MICU1: variants seen among roughly 807,000 people sequenced by gnomAD.
MICU1 encodes the protein calcium uptake protein 1, mitochondrial.
MICU1 carries 45 observed loss-of-function variants against 56.8 expected under a neutral mutation model. The observed-to-expected ratio is 0.79, with a 90% CI of 0.62 to 1.02. MICU1 has a LOEUF of 1.02. Ranked by LOEUF, MICU1 falls within the 50% of genes least tolerant of loss-of-function variation. The pLI is 0.00. For synonymous variants in MICU1, 186 were observed against 195.1 expected, an observed-to-expected ratio of 0.95 and a Z score of 0.39; for missense variants, 504 against 587.1, an observed-to-expected ratio of 0.86 and a Z score of 1.46.
At chr10:72,412,381 T>C (rs544809016) in intron 9 of MICU1, among the ~76,000 whole-genome samples, 119 of 152,366 alleles carry the variant, frequency 7.8e-4, no homozygotes, top group Middle Eastern at 3.4e-3. Context: ...TTCAACAAAC[T>C]GGTTATCTAT....
chr10:72,428,458 G>A (rs1209863798), intron 8 of MICU1, among the ~76,000 whole-genome samples: 3 of 152,126 alleles, frequency 2.0e-5, no homozygotes, highest in Non-Finnish European at 4.4e-5. Flanking sequence ...GATTATAGGC[G>A]CTCACCACCA....
rs1285975776 is a variant in MICU1 at position 72,465,411 on chromosome 10, G to C, written c.933+9689C>G. On this transcript the variant is annotated intron_variant, in intron 8 of 11. Coordinates refer to ENST00000361114, the MANE Select transcript of MICU1 (RefSeq NM_001195518.2). ...AGTATGGCTGTCATTCTTATCCCTGGGAGATGCATTCTGAGATACCCAGTG... is the reference window on the plus strand; with the variant it reads ...AGTATGGCTGTCATTCTTATCCCTGCGAGATGCATTCTGAGATACCCAGTG... Among the ~76,000 whole-genome samples the C allele has an allele frequency of 4.6e-5, 7 of 150,918 alleles. No individual in the cohort carries two copies. The East Asian group carries it at 1.2e-3, about 25-fold the overall frequency.
At chr10:72,482,987 C>G (rs1866352600) in intron 6 of MICU1, among the ~76,000 whole-genome samples, 1 of 151,970 alleles carries the variant, frequency 6.6e-6, no homozygotes, top group African/African-American at 2.4e-5. Flanking sequence ...TCCTGAGTAG[C>G]TGGGATTACA....
At chr10:72,601,449 G>T (rs1355789357) in intron 1 of MICU1, among the ~76,000 whole-genome samples, 2 of 140,126 alleles carry the variant, frequency 1.4e-5, no homozygotes, top group Non-Finnish European at 3.1e-5. Context: ...AAAAAAAAAA[G>T]GAAAGAAAAG....
At chr10:72,426,997 C>T (rs528031807) in intron 8 of MICU1, among the ~76,000 whole-genome samples, 1 of 152,298 alleles carries the variant, frequency 6.6e-6, no homozygotes, top group South Asian at 2.1e-4. Context: ...AAGCTATTTT[C>T]CACTAATGTT....
Position 72,514,656 on chromosome 10 carries a change from G to A in MICU1, c.538-6387C>T, listed in dbSNP as rs147692954. 4.3e-3 allele frequency among the ~76,000 whole-genome samples: 659 copies of A among 152,186 alleles called. 4 individuals carry two copies. Among genetic ancestry groups the A allele is most frequent in the African/African-American group, 0.013 (550 of 41,516 alleles). On this transcript the variant is annotated intron_variant, in intron 5 of 11. Coordinates refer to ENST00000361114, the MANE Select transcript of MICU1 (RefSeq NM_001195518.2). ...AGCGAAAGGGGTAAAAATACTCTCC[G>A]GATCTTTTCAGACTGGCTCTGTATT...
At chr10:72,576,745 G>A (rs1045983259) in intron 1 of MICU1, among the ~76,000 whole-genome samples, 5 of 152,190 alleles carry the variant, frequency 3.3e-5, no homozygotes, top group African/African-American at 1.2e-4. Context: ...GACTTTCACA[G>A]CTAGAGAGAA....
Position 72,542,040 on chromosome 10 carries a change from C to A in MICU1, c.494-8251G>T, listed in dbSNP as rs117797304. ...ACAAAAGTAAGGGAAATGTAGTAATCATGCTGCAGTAATAAATATAATCAT... is the reference window on the plus strand; with the variant it reads ...ACAAAAGTAAGGGAAATGTAGTAATAATGCTGCAGTAATAAATATAATCAT... On this transcript the variant is annotated intron_variant, in intron 4 of 11. Transcript: ENST00000361114. Among the ~76,000 whole-genome samples, 973 of 152,266 alleles carry A rather than the reference C, an allele frequency of 6.4e-3. 5 individuals are homozygous for A. The highest frequency in any genetic ancestry group is 0.014 in the Middle Eastern group (4 of 294).
At chr10:72,552,926 T>C (rs1037036096) in intron 3 of MICU1, among the ~76,000 whole-genome samples, 2 of 152,214 alleles carry the variant, frequency 1.3e-5, no homozygotes, top group African/African-American at 2.4e-5. Flanking sequence ...AGATGTCACT[T>C]TGAAGTCACT....
At chr10:72,620,650 T>C (rs1842082242) in intron 1 of MICU1, among the ~76,000 whole-genome samples, 1 of 152,212 alleles carries the variant, frequency 6.6e-6, no homozygotes. Flanking sequence ...CTAGGAAACA[T>C]TTATGATCTG....
chr10:72,512,286 A>G (rs1005789088), intron 5 of MICU1, among the ~76,000 whole-genome samples: 1 of 151,076 alleles, frequency 6.6e-6, no homozygotes, highest in Admixed American at 6.6e-5. Flanking sequence ...AATTTTTTGT[A>G]TTTTAGTAGA....
rs114730534 is a variant in MICU1, at chr10:72,572,839, C to T, written c.-1-6045G>A. Reference sequence around the variant, plus strand: ...TTGTTGACAATGTTGCAGAATGGCACTACTGATGAACATGCAAATCTGTAC... The same window carrying T: ...TTGTTGACAATGTTGCAGAATGGCATTACTGATGAACATGCAAATCTGTAC... On this transcript the variant is annotated intron_variant, in intron 1 of 11. Transcript: ENST00000361114. Among the ~76,000 whole-genome samples the T allele has an allele frequency of 7.1e-3, 1,076 of 152,164 alleles. 16 individuals are homozygous for T. Among genetic ancestry groups the T allele is most frequent in the African/African-American group, 0.024 (989 of 41,544 alleles).
chr10:72,487,257 A>C (rs1866505125), intron 6 of MICU1, among the ~76,000 whole-genome samples: 1 of 152,104 alleles, frequency 6.6e-6, no homozygotes, highest in Non-Finnish European at 1.5e-5. Context: ...AACAGCCAAC[A>C]CCACAGACAT....
At chr10:72,486,720 C>T (rs1040694223) in intron 6 of MICU1, among the ~76,000 whole-genome samples, 5 of 152,346 alleles carry the variant, frequency 3.3e-5, no homozygotes, top group East Asian at 1.9e-4. Context: ...ATCTGCCCGC[C>T]TTGGCCTCCC....
At chr10:72,549,655 G>A (rs1839983324) in intron 4 of MICU1, among the ~76,000 whole-genome samples, 3 of 152,050 alleles carry the variant, frequency 2.0e-5, no homozygotes, top group African/African-American at 4.8e-5. Flanking sequence ...TCTTAGCCGG[G>A]TGCAGTGGGT....
intron 1 of MICU1, among the ~76,000 whole-genome samples, chr10:72,580,552 C>G (rs1840872076): frequency 6.6e-6 from 1 of 152,162 alleles, no homozygotes; most frequent in Non-Finnish European, 1.5e-5. Context: ...TCTTGGCTCA[C>G]CACAACCTCC....
intron 10 of MICU1, among the ~76,000 whole-genome samples, chr10:72,385,047 CA>C: frequency 6.6e-6 from 1 of 152,270 alleles, no homozygotes. Context: ...TTTCCGGCAT[CA>C]CATAAAAGCA....
At chr10:72,374,517 G>T (rs1862449718) in intron 11 of MICU1, among the ~76,000 whole-genome samples, 1 of 152,158 alleles carries the variant, frequency 6.6e-6, no homozygotes, top group Admixed American at 6.5e-5. Flanking sequence ...ACTATCCAAG[G>T]TCCTATGGGG....
At position 72,375,861 on chromosome 10, in the gene MICU1, G is replaced by A. The variant is rs776369301; in HGVS notation, c.1192C>T (p.Gln398Ter). 6.2e-7 allele frequency: 1 copy of A among 1,613,068 alleles called. No homozygotes were observed. Among genetic ancestry groups the A allele is most frequent in the Non-Finnish European group, 8.5e-7 (1 of 1,179,572 alleles). ...GASLDKVTMQ[Q>*]VARTVAKVEL... ...ACTTTAGCCACTGTCCTGGCCACCT[G>A]CTGCATGGTCACTGAAAAAAGAAAG... Residue 398 changes from glutamine to a stop codon, truncating the protein, a stop_gained, in exon 11 of 12, where the codon CAG becomes TAG. Coordinates refer to ENST00000361114, the MANE Select transcript of MICU1 (RefSeq NM_001195518.2). LOFTEE classifies it high-confidence loss of function.
Sources: allele counts gnomAD v4.1 joint callset (sites outside exome capture counted in the v4.1 genomes callset), GRCh38; gene constraint gnomAD v4.1.1; transcripts MANE v1.5; gene names NCBI Gene and HGNC (gene_info 2026-07-23, HGNC 2026-07-21).